VGLL2: variants seen among roughly 807,000 people sequenced by gnomAD.
VGLL2 encodes transcription cofactor vestigial-like protein 2.
VGLL2 carries 18 observed loss-of-function variants against 27.0 expected under a neutral mutation model. That is an observed-to-expected ratio of 0.67 (90% CI 0.46 to 0.99). VGLL2 has a LOEUF of 0.99. VGLL2 is among the 50% of genes least tolerant of loss of function. The pLI is 0.00. For synonymous variants in VGLL2, 220 were observed against 201.1 expected, an observed-to-expected ratio of 1.09 and a Z score of -0.80; for missense variants, 491 against 452.3, an observed-to-expected ratio of 1.09 and a Z score of -0.78.
At chr6:117,271,678 G>C (rs210976) in intron 3 of VGLL2, among the ~76,000 whole-genome samples, 24,556 of 152,124 alleles carry the variant, frequency 0.16, 2,764 homozygotes, top group African/African-American at 0.32. Flanking sequence ...TTGGACAGCG[G>C]TGATCTAGAG....
chr6:117,268,325 A>AC lies in VGLL2; in HGVS notation c.227dup (p.Glu77ArgfsTer25). 6.2e-7 allele frequency: 1 copy of AC among 1,614,122 alleles called. No homozygotes were observed. Among genetic ancestry groups the AC allele is most frequent in the Non-Finnish European group, 8.5e-7 (1 of 1,180,022 alleles). On this transcript the variant is annotated frameshift_variant, in exon 2 of 4. Coordinates refer to ENST00000326274, the MANE Select transcript of VGLL2 (RefSeq NM_182645.3). ...AAGGCAGCCCAGAGAAAGAGCGCCC[A>AC]CCAGAGGCAGAGTACATCAACTCCC...
Position 117,268,460 on chromosome 6 carries a change from C to G in VGLL2, c.360C>G (p.Ser120Arg). The change falls in exon 2 of 4, where the codon AGC (serine) becomes AGG (arginine). Residue 120 changes from serine to arginine, a missense_variant. By Grantham distance (110) the Ser-to-Arg change is moderately radical. Transcript: ENST00000326274. Reference sequence around the variant, plus strand: ...GCTACTCTCCTAGCTGTACCAGCAGCAAAGCACCAAGGAGCTCTGGGCCCT... The same window carrying G: ...GCTACTCTCCTAGCTGTACCAGCAGGAAAGCACCAAGGAGCTCTGGGCCCT... ...PSSYSPSCTSSKAPRSSGPWR... is the reference protein window; with the variant it reads ...PSSYSPSCTSRKAPRSSGPWR... 1 of 1,613,420 alleles carries G rather than the reference C, an allele frequency of 6.2e-7. No individual in the cohort carries two copies. The highest frequency in any genetic ancestry group is 8.5e-7 in the Non-Finnish European group (1 of 1,179,654).
At chr6:117,266,007 G>A (rs1773060479) in intron 1 of VGLL2, among the ~76,000 whole-genome samples, 163 bp downstream of exon 1, 1 of 152,246 alleles carries the variant, frequency 6.6e-6, no homozygotes, top group Non-Finnish European at 1.5e-5. Flanking sequence ...CCAGTTGGTA[G>A]TGCAATTAGC....
intron 1 of VGLL2, 82 bp from the exon 2 acceptor site, chr6:117,268,100 G>T (rs1773105140): frequency 7.2e-7 from 1 of 1,390,964 alleles, no homozygotes; most frequent in East Asian, 2.3e-5. Flanking sequence ...ATACCTTAGA[G>T]ATTAGGATGA....
chr6:117,270,804 C>T lies in VGLL2; in HGVS notation c.653C>T (p.Ala218Val). The change falls in exon 3 of 4, where the codon GCC (alanine) becomes GTC (valine). Residue 218 changes from alanine to valine, a missense_variant. By Grantham distance (64) the Ala-to-Val change is moderately conservative (BLOSUM62 0). Coordinates refer to ENST00000326274, the MANE Select transcript of VGLL2 (RefSeq NM_182645.3). ...YALGGALGAQ[A>V]APYPRPAAVH... is the part of the protein sequence containing the mutation. ...CTGGGCGGCGCCCTCGGCGCCCAGGCCGCCCCCTACCCGCGCCCCGCCGCC... is the reference window on the plus strand; with the variant it reads ...CTGGGCGGCGCCCTCGGCGCCCAGGTCGCCCCCTACCCGCGCCCCGCCGCC... 2.1e-6 allele frequency: 3 copies of T among 1,436,538 alleles called. No homozygotes were observed. Among genetic ancestry groups the T allele is most frequent in the South Asian group, 1.4e-5 (1 of 74,034 alleles). 89.0% of individuals were successfully genotyped at this position (1,436,538 alleles called of 1,614,324 possible). A position where few individuals can be genotyped will look rare whatever the true frequency, so the allele number is the denominator to read the frequency against.
At position 117,270,137 on chromosome 6, in the gene VGLL2, G is replaced by C. The variant is rs559965665; in HGVS notation, c.392-406G>C. ...ATCGTTAGCTTGGGGAGAGGTTAAG[G>C]CTAGGAAAGGGAGGCCGTGCTGCGC... On this transcript the variant is annotated intron_variant, in intron 2 of 3. Coordinates refer to ENST00000326274, the MANE Select transcript of VGLL2 (RefSeq NM_182645.3). 3.9e-5 allele frequency among the ~76,000 whole-genome samples: 6 copies of C among 152,146 alleles called. No individual in the cohort carries two copies. The South Asian group carries it at 1.2e-3, about 32-fold the overall frequency.
Position 117,268,228 on chromosome 6 carries a change from C to G in VGLL2, c.128C>G (p.Ala43Gly), listed in dbSNP as rs1773109423. The change falls in exon 2 of 4, where the codon GCC becomes GGC. Residue 43 changes from alanine (A) to glycine (G), a missense_variant. By Grantham distance (60) the Ala-to-Gly change is moderately conservative. Coordinates refer to ENST00000326274, the MANE Select transcript of VGLL2 (RefSeq NM_182645.3). ...ATGCAGGAAGCGCAGGAGTGCAATG[C>G]CAGCCCCAGCAGCAGTGGCAGCGGC... Reference protein sequence around the residue: ...SKMQEAQECNASPSSSGSGSS... With the variant: ...SKMQEAQECNGSPSSSGSGSS... 5 of 1,614,200 alleles carry G rather than the reference C, an allele frequency of 3.1e-6. No individual in the cohort carries two copies. The highest frequency in any genetic ancestry group is 4.2e-6 in the Non-Finnish European group (5 of 1,180,040).
In VGLL2 at chr6:117,268,292, A is replaced by G. The variant is rs769471109; in HGVS notation, c.192A>G (p.Lys64=). ...CCAGCCAAACCCCAGCCAGTATAAA[A>G]GAGGAAGAAGGCAGCCCAGAGAAAG... The part of the protein sequence containing the change: ...SFSSQTPASI[K]EEEGSPEKER... The change falls in exon 2 of 4, where the codon AAA becomes AAG. Residue 64 remains lysine (K), a synonymous_variant. Coordinates refer to ENST00000326274, the MANE Select transcript of VGLL2 (RefSeq NM_182645.3). 2 of 1,614,094 alleles carry G rather than the reference A, an allele frequency of 1.2e-6. No homozygotes were observed. Among genetic ancestry groups the G allele is most frequent in the African/African-American group, 2.7e-5 (2 of 74,942 alleles).
In VGLL2 at chr6:117,268,248, A is replaced by G; in HGVS notation, c.148A>G (p.Ser50Gly). ...CAATGCCAGCCCCAGCAGCAGTGGCAGCGGCAGCTCCTCATTTTCCAGCCA... is the reference window on the plus strand; with the variant it reads ...CAATGCCAGCCCCAGCAGCAGTGGCGGCGGCAGCTCCTCATTTTCCAGCCA... ...ECNASPSSSGSGSSSFSSQTP... is the reference protein window; with the variant it reads ...ECNASPSSSGGGSSSFSSQTP... Residue 50 changes from serine (S) to glycine (G), a missense_variant, in exon 2 of 4, where the codon AGC becomes GGC. Transcript: ENST00000326274. 6.2e-7 allele frequency: 1 copy of G among 1,614,102 alleles called. No homozygotes were observed. Among genetic ancestry groups the G allele is most frequent in the South Asian group, 1.1e-5 (1 of 91,086 alleles).
intron 2 of VGLL2, among the ~76,000 whole-genome samples, chr6:117,269,196 G>A (rs1773129058): frequency 6.6e-6 from 1 of 152,062 alleles, no homozygotes; most frequent in South Asian, 2.1e-4. Context: ...CCCCCACAAA[G>A]CACTGCTTTT....
chr6:117,268,112 G>A, intron 1 of VGLL2, 70 bp from the exon 2 acceptor site: 1 of 1,462,878 alleles, frequency 6.8e-7, no homozygotes, highest in Admixed American at 1.8e-5. Context: ...TTAGGATGAG[G>A]GAATCAGTCT....
At chr6:117,266,281 G>T (rs1773066417) in intron 1 of VGLL2, among the ~76,000 whole-genome samples, 1 of 152,214 alleles carries the variant, frequency 6.6e-6, no homozygotes, top group Non-Finnish European at 1.5e-5. Context: ...TTTCTGAGAT[G>T]CAAGGGCCGG....
Position 117,272,741 on chromosome 6 carries a change from T to G in VGLL2, c.*247T>G. On this transcript the variant is annotated 3_prime_UTR_variant, in exon 4 of 4. Coordinates refer to ENST00000326274, the MANE Select transcript of VGLL2 (RefSeq NM_182645.3). ...TTGGCCGAATCACTGGAAATATCTG[T>G]GGTGAGATTGCTGAGTCAGGTGATG... 1 of 554,302 alleles carries G rather than the reference T, an allele frequency of 1.8e-6. No homozygotes were observed. The allele number at this position is 554,302 out of a possible 1,614,324, so 34.3% of individuals were successfully genotyped here.
At chr6:117,271,853 C>T (rs998952416) in intron 3 of VGLL2, among the ~76,000 whole-genome samples, 10 of 152,142 alleles carry the variant, frequency 6.6e-5, no homozygotes, top group Admixed American at 2.0e-4. Flanking sequence ...AATGACAATC[C>T]TAAGTCTTTG....
At chr6:117,270,482 A>T in intron 2 of VGLL2, 61 bp from the exon 3 acceptor site, 1 of 1,503,384 alleles carries the variant, frequency 6.7e-7, no homozygotes, top group Non-Finnish European at 8.9e-7. Context: ...CGCTGAGTCC[A>T]GCCGCAGTGA....
chr6:117,270,422 C>A, intron 2 of VGLL2, 121 bp from the exon 3 acceptor site: 1 of 1,306,598 alleles, frequency 7.7e-7, no homozygotes, highest in Non-Finnish European at 1.0e-6. Flanking sequence ...GGCTAGCCAG[C>A]CCTGTGCCCG....
chr6:117,265,889 C>G (rs760398287), intron 1 of VGLL2, 45 bp downstream of exon 1: 9 of 1,564,618 alleles, frequency 5.8e-6, no homozygotes, highest in East Asian at 4.5e-5. Flanking sequence ...GCGCGCCCCC[C>G]GTTTGCGGCG....
At chr6:117,270,253 C>T (rs1006782120) in intron 2 of VGLL2, among the ~76,000 whole-genome samples, 1 of 152,136 alleles carries the variant, frequency 6.6e-6, no homozygotes, top group Non-Finnish European at 1.5e-5. Flanking sequence ...TTGGTTTCCG[C>T]ACTGAGGACT....
chr6:117,268,418 C>T lies in VGLL2; in HGVS notation c.318C>T (p.Ala106=). The T allele has an allele frequency of 1.2e-6, 2 of 1,614,072 alleles. No homozygotes were observed. The highest frequency in any genetic ancestry group is 1.7e-6 in the Non-Finnish European group (2 of 1,180,000). Residue 106 remains alanine (A), a synonymous_variant, in exon 2 of 4, where the codon GCC becomes GCT. Coordinates refer to ENST00000326274, the MANE Select transcript of VGLL2 (RefSeq NM_182645.3). ...SSVVDEHFSR[A]LSQPSSYSPS... is the part of the protein sequence containing the mutation. ...TGGTGGATGAACATTTCAGCAGGGCCCTGAGCCAACCCAGCAGCTACTCTC... is the reference window on the plus strand; with the variant it reads ...TGGTGGATGAACATTTCAGCAGGGCTCTGAGCCAACCCAGCAGCTACTCTC...
Sources: allele counts gnomAD v4.1 joint callset (sites outside exome capture counted in the v4.1 genomes callset), GRCh38; gene constraint gnomAD v4.1.1; transcripts MANE v1.5; gene names NCBI Gene and HGNC (gene_info 2026-07-23, HGNC 2026-07-21).